The following FXYD7 variants were observed in gnomAD, a reference collection of about 807,000 sequenced individuals.
FXYD7 encodes the protein FXYD domain containing ion transport regulator 7.
In FXYD7, 7 loss-of-function variants were observed where a neutral mutation model predicts 15.3. The ratio of observed to expected loss-of-function variants is 0.46; its 90% confidence interval spans 0.26 to 0.86. The LOEUF is 0.86. FXYD7 is among the 40% of genes least tolerant of loss of function. The pLI is 0.16. For synonymous variants in FXYD7, 39 were observed against 39.3 expected, an observed-to-expected ratio of 0.99 and a Z score of 0.03; for missense variants, 78 against 100.6, an observed-to-expected ratio of 0.78 and a Z score of 0.96.
chr19:35,150,911 C>A (rs1346257763), intron 2 of FXYD7, among the ~76,000 whole-genome samples: 1 of 152,016 alleles, frequency 6.6e-6, no homozygotes, highest in African/African-American at 2.4e-5. Flanking sequence ...CAGCAAGACC[C>A]TAGAGAAGGC....
At chr19:35,149,023 C>T (rs2065300535) in intron 2 of FXYD7, 5 of 557,434 alleles carry the variant, frequency 9.0e-6, no homozygotes, top group African/African-American at 7.4e-5. Context: ...ACTCTGAGCC[C>T]AGGCTGCCTG....
Position 35,152,479 on chromosome 19 carries a change from G to C in FXYD7, c.220+806G>C, listed in dbSNP as rs78803319. On this transcript the variant is annotated intron_variant, in intron 5 of 5. Coordinates refer to ENST00000270310, the MANE Select transcript of FXYD7 (RefSeq NM_022006.2). The stretch of plus-strand genomic sequence containing the variant: ...ATGAAATAGCCGAGGAAGCGGGACA[G>C]AGGGAGGGAGGGAAGGTTTCTGAAT... Among the ~76,000 whole-genome samples, 1,328 of 151,730 alleles carry C rather than the reference G, an allele frequency of 8.8e-3. 26 individuals carry two copies. The highest frequency in any genetic ancestry group is 0.03 in the African/African-American group (1,260 of 41,332).
intron 2 of FXYD7, 67 bp from the exon 3 acceptor site, chr19:35,151,187 C>T: frequency 9.5e-7 from 1 of 1,054,380 alleles, no homozygotes; most frequent in Non-Finnish European, 1.5e-6. Context: ...CACCCAGAGC[C>T]AGGACTGGGC....
Position 35,143,287 on chromosome 19 carries a change from G to A in FXYD7, c.-47G>A, listed in dbSNP as rs753169995. On this transcript the variant is annotated 5_prime_UTR_variant, in exon 1 of 6. Transcript: ENST00000270310. This position sits in a 1 kb window ranked among gnomAD's most constrained non-coding sequence, Gnocchi z 4.3. ...CCGTCCTGCTTCCAGCTGCTGCAGC[G>A]CGCCTTCGCCGCCAAAGCATCCAGC... 9.3e-6 allele frequency: 14 copies of A among 1,504,048 alleles called. No homozygotes were observed. The highest frequency in any genetic ancestry group is 1.3e-5 in the Non-Finnish European group (14 of 1,113,188). 93.2% of individuals were successfully genotyped at this position (1,504,048 alleles called of 1,614,324 possible).
In FXYD7 at chr19:35,151,325, A is replaced by C. The variant is rs1275745395; in HGVS notation, c.133A>C (p.Ile45Leu). 6.2e-7 allele frequency: 1 copy of C among 1,605,876 alleles called. No homozygotes were observed. The highest frequency in any genetic ancestry group is 8.5e-7 in the Non-Finnish European group (1 of 1,172,596). Residue 45 changes from isoleucine (I) to leucine (L), a missense_variant, in exon 3 of 6, where the codon ATC (isoleucine) becomes CTC (leucine). Ile to Leu is a conservative substitution (Grantham distance 5). Coordinates refer to ENST00000270310, the MANE Select transcript of FXYD7 (RefSeq NM_022006.2). ...GTTCCTGCTGGGTATCCTCATCGTC[A>C]TCAGTAAGTGCGACCCATTCCTGGG... ...ILFLLGILIV[I>L]SKKVKCRKAD...
In FXYD7 at chr19:35,143,381, G is replaced by A; in HGVS notation, c.31+17G>A. On this transcript the variant is annotated intron_variant, in intron 1 of 5. Transcript: ENST00000270310. This position sits in a 1 kb window ranked among gnomAD's most constrained non-coding sequence, Gnocchi z 4.3. ...CCACAAAGGGTGAGCGTCGTTTGGG[G>A]AGGGGGTTGCAGGGGGGCTCCGGGA... 1.3e-6 allele frequency: 2 copies of A among 1,506,864 alleles called. No individual in the cohort carries two copies. The highest frequency in any genetic ancestry group is 2.7e-5 in the East Asian group (1 of 37,122). 93.3% of individuals were successfully genotyped at this position (1,506,864 alleles called of 1,614,324 possible). A position where few individuals can be genotyped will look rare whatever the true frequency, so the allele number is the denominator to read the frequency against.
chr19:35,148,047 GAAAGAAAGAAA>G (rs2065295537), intron 1 of FXYD7, among the ~76,000 whole-genome samples: 1 of 90,668 alleles, frequency 1.1e-5, no homozygotes, highest in African/African-American at 5.5e-5. Context: ...AAGAAAGAAA[GAAAGAAAGAAA>G]GAAAGAAAGA....
chr19:35,143,386 G>T lies in FXYD7; in HGVS notation c.31+22G>T, dbSNP rs756962530. ...AAGGGTGAGCGTCGTTTGGGGAGGGGGTTGCAGGGGGGCTCCGGGATCTGA... is the reference window on the plus strand; with the variant it reads ...AAGGGTGAGCGTCGTTTGGGGAGGGTGTTGCAGGGGGGCTCCGGGATCTGA... On this transcript the variant is annotated intron_variant, in intron 1 of 5. Transcript: ENST00000270310. The surrounding 1 kb of genome is among the most constrained non-coding windows in gnomAD (Gnocchi z 4.3). 1.3e-5 allele frequency: 19 copies of T among 1,496,614 alleles called. No individual in the cohort carries two copies. Among genetic ancestry groups the T allele is most frequent in the Non-Finnish European group, 3.6e-6 (4 of 1,122,356 alleles). 92.7% of individuals were successfully genotyped at this position (1,496,614 alleles called of 1,614,324 possible).
At chr19:35,148,026 G>GGAAAGAAAGAAAGAAAGAAGGAAA (rs2065294808) in intron 1 of FXYD7, among the ~76,000 whole-genome samples, 1 of 88,492 alleles carries the variant, frequency 1.1e-5, no homozygotes, top group Non-Finnish European at 2.2e-5. Context: ...GAAGAAAGAA[G>GGAAAGAAAGAAAGAAAGAAGGAAA]GAAAGAAAGA....
At chr19:35,145,835 T>C (rs1227650484) in intron 1 of FXYD7, among the ~76,000 whole-genome samples, 1 of 152,236 alleles carries the variant, frequency 6.6e-6, no homozygotes. Context: ...TGGAGTGCAA[T>C]GGCACGATCA....
chr19:35,150,408 A>G (rs1292711014), intron 2 of FXYD7, among the ~76,000 whole-genome samples: 2 of 152,210 alleles, frequency 1.3e-5, no homozygotes, highest in Non-Finnish European at 2.9e-5. Flanking sequence ...TTAAAAAAAA[A>G]GACAAGAATA....
chr19:35,154,037 C>A lies in FXYD7; in HGVS notation c.*121C>A, dbSNP rs1309317913. 6 of 861,170 alleles carry A rather than the reference C, an allele frequency of 7.0e-6. No homozygotes were observed. Among genetic ancestry groups the A allele is most frequent in the Non-Finnish European group, 1.1e-5 (6 of 538,190 alleles). The allele number at this position is 861,170 out of a possible 1,614,324, so 53.3% of individuals were successfully genotyped here. A position where few individuals can be genotyped will look rare whatever the true frequency, so the allele number is the denominator to read the frequency against. Reference sequence around the variant, plus strand: ...GCTCCCCGGAATGAGCCGCCCCACCCACCCCAAGGCTGGAGCCGCTGCACC... The same window carrying A: ...GCTCCCCGGAATGAGCCGCCCCACCAACCCCAAGGCTGGAGCCGCTGCACC... On this transcript the variant is annotated 3_prime_UTR_variant, in exon 6 of 6. Coordinates refer to ENST00000270310, the MANE Select transcript of FXYD7 (RefSeq NM_022006.2).
In FXYD7 at chr19:35,153,997, C is replaced by T. The variant is rs561276513; in HGVS notation, c.*81C>T. 4 of 1,412,842 alleles carry T rather than the reference C, an allele frequency of 2.8e-6. No individual in the cohort carries two copies. In the East Asian group the frequency reaches 9.3e-5, roughly 33 times the overall value. 87.5% of individuals were successfully genotyped at this position (1,412,842 alleles called of 1,614,324 possible). On this transcript the variant is annotated 3_prime_UTR_variant, in exon 6 of 6. Coordinates refer to ENST00000270310, the MANE Select transcript of FXYD7 (RefSeq NM_022006.2). ...CCGGGTGGAGGCGGTGGGGACCCAG[C>T]CGCGCGCCGGGAGCGCTCCCCGGAA...
At position 35,146,270 on chromosome 19, in the gene FXYD7, T is replaced by C. The variant is rs1215536637; in HGVS notation, c.32-2424T>C. 1.3e-5 allele frequency among the ~76,000 whole-genome samples: 2 copies of C among 152,112 alleles called. 1 individual carries two copies. Among genetic ancestry groups the C allele is most frequent in the Non-Finnish European group, 2.9e-5 (2 of 68,032 alleles). On this transcript the variant is annotated intron_variant, in intron 1 of 5. Coordinates refer to ENST00000270310, the MANE Select transcript of FXYD7 (RefSeq NM_022006.2). The stretch of plus-strand genomic sequence containing the variant: ...CTTCTGCCTCAGCCTCCCAAGTAGC[T>C]GGGACTAGCAGCGGCACACCACCAC...
Position 35,143,623 on chromosome 19 carries a change from G to A in FXYD7, c.31+259G>A, listed in dbSNP as rs555233429. 4.3e-4 allele frequency among the ~76,000 whole-genome samples: 66 copies of A among 152,302 alleles called. No individual in the cohort carries two copies. Among genetic ancestry groups the A allele is most frequent in the African/African-American group, 1.5e-3 (61 of 41,572 alleles). Reference sequence around the variant, plus strand: ...TCCCGGGAGAAGGGATGCTCGGACAGGTCGCTATGGCAACCGGGTGGCTGG... The same window carrying A: ...TCCCGGGAGAAGGGATGCTCGGACAAGTCGCTATGGCAACCGGGTGGCTGG... On this transcript the variant is annotated intron_variant, in intron 1 of 5. Coordinates refer to ENST00000270310, the MANE Select transcript of FXYD7 (RefSeq NM_022006.2). This position sits in a 1 kb window ranked among gnomAD's most constrained non-coding sequence, Gnocchi z 4.3.
rs372807806 is a variant in FXYD7, at chr19:35,151,456, C to T, written c.153C>T (p.Cys51=). The T allele has an allele frequency of 4.8e-5, 78 of 1,614,020 alleles. No homozygotes were observed. Among genetic ancestry groups the T allele is most frequent in the Non-Finnish European group, 6.4e-5 (76 of 1,179,996 alleles). Residue 51 remains cysteine (C), a synonymous_variant, in exon 4 of 6, where the codon TGC becomes TGT. Transcript: ENST00000270310. ...TCCCAACAGGCAAGAAGGTGAAGTG[C>T]AGGAAGGCGGACTCCAGGTCTGAGA... ...ILIVISKKVK[C]RKADSRSESP... is the part of the protein sequence containing the mutation.
intron 4 of FXYD7, 70 bp from the exon 5 acceptor site, chr19:35,151,563 A>G (rs1231656694): frequency 1.9e-6 from 3 of 1,590,048 alleles, no homozygotes; most frequent in African/African-American, 1.3e-5. Context: ...TGGGCCTGCC[A>G]TGCGTTTTCC....
intron 1 of FXYD7, 94 bp from the exon 2 acceptor site, chr19:35,148,600 A>C: frequency 9.7e-7 from 1 of 1,028,290 alleles, no homozygotes; most frequent in Non-Finnish European, 1.4e-6. Flanking sequence ...AGAAATGATT[A>C]GGCCAGTGGC....
chr19:35,147,595 C>T (rs748569962), intron 1 of FXYD7, among the ~76,000 whole-genome samples: 2 of 152,168 alleles, frequency 1.3e-5, no homozygotes, highest in Non-Finnish European at 2.9e-5. Flanking sequence ...TGGATGGGGA[C>T]ATTTCACGTG....
Sources: allele counts gnomAD v4.1 joint callset (sites outside exome capture counted in the v4.1 genomes callset), GRCh38; gene constraint gnomAD v4.1.1; non-coding constraint Gnocchi (gnomAD v3.1); transcripts MANE v1.5; gene names NCBI Gene and HGNC (gene_info 2026-07-23, HGNC 2026-07-21).